The following DENND2A variants were observed in gnomAD, a reference collection of about 807,000 sequenced individuals.
DENND2A encodes the protein DENN domain-containing protein 2A.
In DENND2A, 53 loss-of-function variants were observed where a neutral mutation model predicts 105.3. The observed-to-expected ratio is 0.50, with a 90% CI of 0.40 to 0.63. The LOEUF is 0.63. Ranked by LOEUF, DENND2A falls within the 30% of genes least tolerant of loss-of-function variation. The pLI, the probability that DENND2A is intolerant of heterozygous loss-of-function variation, is 0.00. For missense variants in DENND2A, 1,138 were observed against 1,279.6 expected (o/e 0.89, Z 1.69); for synonymous variants, 522 against 508.4 (o/e 1.03, Z -0.36).
intron 13 of DENND2A, among the ~76,000 whole-genome samples, chr7:140,545,620 G>A (rs1796864148): frequency 6.6e-6 from 1 of 152,330 alleles, no homozygotes; most frequent in South Asian, 2.1e-4. Context: ...CAAAGGGAGG[G>A]ATTACAGGCA....
At chr7:140,583,700 C>T (rs904589707) in intron 5 of DENND2A, among the ~76,000 whole-genome samples, 7 of 150,246 alleles carry the variant, frequency 4.7e-5, no homozygotes, top group East Asian at 1.9e-4. Context: ...GAGGCCAAGG[C>T]GGGCAGATCA....
Position 140,523,449 on chromosome 7 carries a change from G to T in DENND2A, c.2548-25C>A. ...TCTGGAAAGCAGAGGTAGCAGGTGG[G>T]CTTATGGGCACGGTGGCTGCGTCTT... On this transcript the variant is annotated intron_variant, in intron 16 of 19. Transcript: ENST00000496613. This position sits in a 1 kb window ranked among gnomAD's most constrained non-coding sequence, Gnocchi z 4.5. The T allele has an allele frequency of 6.2e-7, 1 of 1,607,096 alleles. No individual in the cohort carries two copies. The highest frequency in any genetic ancestry group is 8.5e-7 in the Non-Finnish European group (1 of 1,174,040).
chr7:140,611,725 A>G (rs1338693156), intron 1 of DENND2A, among the ~76,000 whole-genome samples: 1 of 152,208 alleles, frequency 6.6e-6, no homozygotes, highest in Non-Finnish European at 1.5e-5. Context: ...AAGGCCACAT[A>G]TTGTATGATT....
intron 5 of DENND2A, among the ~76,000 whole-genome samples, chr7:140,585,175 G>A (rs1173483188): frequency 6.6e-6 from 1 of 152,212 alleles, no homozygotes; most frequent in Non-Finnish European, 1.5e-5. Flanking sequence ...TCCTGCCTGG[G>A]TGACAGAGCG....
intron 3 of DENND2A, among the ~76,000 whole-genome samples, chr7:140,599,695 T>C (rs544799651): frequency 6.6e-5 from 10 of 151,844 alleles, no homozygotes; most frequent in Non-Finnish European, 1.3e-4. Context: ...TTTACATATA[T>C]ATATACAAAT....
intron 1 of DENND2A, among the ~76,000 whole-genome samples, chr7:140,615,532 CTT>C (rs57498403): frequency 1.4e-4 from 20 of 140,932 alleles, no homozygotes; most frequent in African/African-American, 3.1e-4. Flanking sequence ...AGGAGTTCTG[CTT>C]TTTTTTTTTT....
chr7:140,580,289 G>GCATGTATGTATA (rs1798485200), intron 5 of DENND2A, among the ~76,000 whole-genome samples: 2 of 151,390 alleles, frequency 1.3e-5, no homozygotes, highest in Non-Finnish European at 2.9e-5. Flanking sequence ...AAAAAGAAAG[G>GCATGTATGTATA]CATGTATGTA....
chr7:140,563,671 TGCATTAAA>T (rs1261175639), intron 9 of DENND2A, among the ~76,000 whole-genome samples: 1 of 108,344 alleles, frequency 9.2e-6, no homozygotes, highest in Non-Finnish European at 1.7e-5. Flanking sequence ...TGATCACCAT[TGCATTAAA>T]AAAAAAAAAA....
intron 12 of DENND2A, among the ~76,000 whole-genome samples, chr7:140,552,394 T>G (rs1273109620): frequency 6.6e-6 from 1 of 151,746 alleles, no homozygotes; most frequent in Non-Finnish European, 1.5e-5. Flanking sequence ...TCCTTCTTCT[T>G]TCTTTTTCTT....
chr7:140,576,182 G>T (rs1798294801), intron 5 of DENND2A, among the ~76,000 whole-genome samples: 1 of 151,958 alleles, frequency 6.6e-6, no homozygotes, highest in Admixed American at 6.6e-5. Flanking sequence ...ACATAGAACA[G>T]ATATTAACTA....
At chr7:140,564,935 A>G (rs540106504) in intron 9 of DENND2A, among the ~76,000 whole-genome samples, 210 of 152,122 alleles carry the variant, frequency 1.4e-3, no homozygotes, top group African/African-American at 4.8e-3. Flanking sequence ...GCCCCCGGCA[A>G]AAAAAAATCT....
intron 5 of DENND2A, among the ~76,000 whole-genome samples, chr7:140,579,850 G>T (rs769710892): frequency 2.6e-5 from 4 of 152,088 alleles, no homozygotes; most frequent in Non-Finnish European, 5.9e-5. Context: ...TGTCAATCTG[G>T]GCCAGGCGAG....
intron 15 of DENND2A, among the ~76,000 whole-genome samples, chr7:140,526,446 G>A (rs1796059047): frequency 6.6e-6 from 1 of 152,216 alleles, no homozygotes; most frequent in Non-Finnish European, 1.5e-5. Context: ...CGTGACGGAG[G>A]AGGAGCCAGG....
In DENND2A at chr7:140,632,952, C is replaced by T. The variant is rs535962196; in HGVS notation, c.-248+7552G>A. On this transcript the variant is annotated intron_variant, in intron 1 of 19. Transcript: ENST00000496613. Reference sequence around the variant, plus strand: ...TCTCAGCTCACTGCAACCTCCACCTCCTGGGTTCAAGCGATTCTCCTGCCT... The same window carrying T: ...TCTCAGCTCACTGCAACCTCCACCTTCTGGGTTCAAGCGATTCTCCTGCCT... Among the ~76,000 whole-genome samples, 20 of 151,494 alleles carry T rather than the reference C, an allele frequency of 1.3e-4. No homozygotes were observed. In the East Asian group the frequency reaches 3.5e-3, roughly 27 times the overall value.
At chr7:140,638,621 C>A (rs1431199203) in intron 1 of DENND2A, among the ~76,000 whole-genome samples, 1 of 152,172 alleles carries the variant, frequency 6.6e-6, no homozygotes, top group Non-Finnish European at 1.5e-5. Context: ...TGACAGCTCC[C>A]GCCTCACCTC....
chr7:140,625,304 G>A (rs1178330209), intron 1 of DENND2A, among the ~76,000 whole-genome samples: 1 of 151,356 alleles, frequency 6.6e-6, no homozygotes, highest in African/African-American at 2.5e-5. Flanking sequence ...TTGAGCCCGG[G>A]ACACAGAGGC....
intron 1 of DENND2A, among the ~76,000 whole-genome samples, chr7:140,635,189 G>A (rs1441826194): frequency 6.6e-6 from 1 of 151,982 alleles, no homozygotes; most frequent in Non-Finnish European, 1.5e-5. Context: ...CTTGAGCCCA[G>A]GAGGTAGAAG....
At position 140,544,486 on chromosome 7, in the gene DENND2A, C is replaced by T. The variant is rs146417383; in HGVS notation, c.2327+132G>A. 4.2e-4 allele frequency: 509 copies of T among 1,218,286 alleles called. 3 individuals carry two copies. The East Asian group carries it at 0.01, about 24-fold the overall frequency. The allele number at this position is 1,218,286 out of a possible 1,614,324, so 75.5% of individuals were successfully genotyped here. On this transcript the variant is annotated intron_variant, in intron 14 of 19. Transcript: ENST00000496613. ...CTGAGATTACAGGTGTGAGTCACCGCGCCCAGCCTATTCCATCCTTATCTC... is the reference window on the plus strand; with the variant it reads ...CTGAGATTACAGGTGTGAGTCACCGTGCCCAGCCTATTCCATCCTTATCTC...
chr7:140,581,155 G>C (rs775445121), intron 5 of DENND2A, among the ~76,000 whole-genome samples: 2 of 151,970 alleles, frequency 1.3e-5, no homozygotes, highest in Non-Finnish European at 2.9e-5. Flanking sequence ...ATCTCAGCTA[G>C]TCAGAGGGTG....
Sources: allele counts gnomAD v4.1 joint callset (sites outside exome capture counted in the v4.1 genomes callset), GRCh38; gene constraint gnomAD v4.1.1; non-coding constraint Gnocchi (gnomAD v3.1); transcripts MANE v1.5; gene names NCBI Gene and HGNC (gene_info 2026-07-23, HGNC 2026-07-21).